Variants in LMF1 observed in about 807,000 individuals in gnomAD.
The protein encoded by LMF1 is lipase maturation factor 1.
Under a neutral mutation model 60.6 loss-of-function variants are expected in LMF1, and 68 were observed. That is an observed-to-expected ratio of 1.12 (90% confidence interval 0.92 to 1.37). The LOEUF (loss-of-function observed/expected upper bound fraction) is 1.37. Among genes scored for constraint, LMF1 ranks in the 40% most tolerant of loss-of-function variants. The pLI is 0.00. For synonymous variants in LMF1, 418 were observed against 324.7 expected, an observed-to-expected ratio of 1.29 and a Z score of -3.09; for missense variants, 948 against 767.2, an observed-to-expected ratio of 1.24 and a Z score of -2.78.
intron 3 of LMF1, among the ~76,000 whole-genome samples, chr16:914,607 C>A: frequency 1.3e-5 from 2 of 152,158 alleles, no homozygotes; most frequent in South Asian, 2.1e-4. Context: ...GTGACACACT[C>A]CCTCCCTCCC....
chr16:857,071 G>C lies in LMF1; in HGVS notation c.1530-2365C>G, dbSNP rs145386477. ...CAGGCGATTCTCACGCCAATTCTCA[G>C]GTTCCGCCAGGTCGTGTGATGGAGG... is the stretch of plus-strand genomic sequence containing the variant. On this transcript the variant is annotated intron_variant, in intron 10 of 10. Coordinates refer to ENST00000262301, the MANE Select transcript of LMF1 (RefSeq NM_022773.4). Among the ~76,000 whole-genome samples the C allele has an allele frequency of 5.4e-3, 826 of 152,368 alleles. 9 individuals are homozygous for C. Among genetic ancestry groups the C allele is most frequent in the African/African-American group, 0.019 (771 of 41,586 alleles).
At chr16:908,595 C>T (rs2071027401) in intron 4 of LMF1, among the ~76,000 whole-genome samples, 1 of 152,250 alleles carries the variant, frequency 6.6e-6, no homozygotes, top group Non-Finnish European at 1.5e-5. Context: ...AGGTCAGGCC[C>T]TGCTGCCTCC....
At chr16:978,180 G>A (rs533552992) in intron 1 of LMF1, among the ~76,000 whole-genome samples, 2,081 of 130,996 alleles carry the variant, frequency 0.016, 100 homozygotes, top group African/African-American at 0.056. Context: ...CACCATACAC[G>A]CACCCCACAC....
intron 10 of LMF1, among the ~76,000 whole-genome samples, chr16:859,281 C>T (rs1169401986): frequency 2.1e-5 from 2 of 95,604 alleles, no homozygotes; most frequent in East Asian, 2.9e-4. Flanking sequence ...AGTGGTGTCT[C>T]GGGACGGGTG....
At chr16:978,845 C>A (rs909199845) in intron 1 of LMF1, among the ~76,000 whole-genome samples, 5 of 152,134 alleles carry the variant, frequency 3.3e-5, no homozygotes, top group African/African-American at 1.2e-4. Context: ...CCCCTCCACT[C>A]TCCACCCCCG....
chr16:940,022 G>A (rs1006500515), intron 2 of LMF1, among the ~76,000 whole-genome samples: 1 of 152,152 alleles, frequency 6.6e-6, no homozygotes, highest in Non-Finnish European at 1.5e-5. Context: ...TCAGAGAGAC[G>A]TACCAGGAAC....
intron 3 of LMF1, chr16:921,210 G>C (rs111911209): frequency 6.6e-6 from 1 of 152,282 alleles, no homozygotes; most frequent in Non-Finnish European, 1.5e-5. Flanking sequence ...AGAAGTCCAG[G>C]TAAGTAGAAG....
intron 2 of LMF1, 134 bp downstream of exon 2, chr16:954,223 T>C: frequency 1.0e-6 from 1 of 993,888 alleles, no homozygotes; most frequent in African/African-American, 1.6e-5. Context: ...ATGGCCTAAG[T>C]AAAATGACAA....
At chr16:977,043 TA>T (rs771306471) in intron 1 of LMF1, 9 of 454,002 alleles carry the variant, frequency 2.0e-5, no homozygotes, top group Non-Finnish European at 3.5e-5. Context: ...CAGGCAGACG[TA>T]AGCTGCAGCA....
intron 4 of LMF1, chr16:905,159 C>A: frequency 6.2e-6 from 1 of 161,696 alleles, no homozygotes; most frequent in South Asian, 1.3e-4. Context: ...CCTGTCTCTG[C>A]TGCGTGGTGG....
chr16:978,353 C>CCACA (rs71142796), intron 1 of LMF1, among the ~76,000 whole-genome samples: 34,177 of 151,248 alleles, frequency 0.23, 4,349 homozygotes, highest in South Asian at 0.44. Context: ...CAAACACACA[C>CCACA]CACACACACA....
At chr16:945,403 G>A (rs1235293905) in intron 2 of LMF1, among the ~76,000 whole-genome samples, 2 of 151,676 alleles carry the variant, frequency 1.3e-5, no homozygotes, top group African/African-American at 4.9e-5. Flanking sequence ...CTGGGTGCCT[G>A]TAGTCCCAGC....
At chr16:957,336 T>C (rs1054518196) in intron 1 of LMF1, among the ~76,000 whole-genome samples, 6 of 152,286 alleles carry the variant, frequency 3.9e-5, no homozygotes, top group Admixed American at 2.6e-4. Flanking sequence ...TGTGTAGACA[T>C]GTAGGAAGCT....
chr16:959,101 G>A (rs1044799125), intron 1 of LMF1, among the ~76,000 whole-genome samples: 6 of 152,112 alleles, frequency 3.9e-5, no homozygotes, highest in East Asian at 3.9e-4. Flanking sequence ...AAGTGTGCTC[G>A]CACAGAAGCC....
At chr16:914,541 C>CCCATGACCATTGGTGACACA (rs2071218068) in intron 3 of LMF1, among the ~76,000 whole-genome samples, 1 of 143,802 alleles carries the variant, frequency 7.0e-6, no homozygotes, top group Non-Finnish European at 1.6e-5. Flanking sequence ...TCCCTCCCTC[C>CCCATGACCATTGGTGACACA]TTCCCATGAC....
chr16:871,634 C>T, intron 6 of LMF1: 1 of 387,278 alleles, frequency 2.6e-6, no homozygotes, highest in Non-Finnish European at 4.7e-6. Flanking sequence ...GGGGCTGGAC[C>T]AGACCACCAG....
In LMF1 at chr16:897,344, C is replaced by T. The variant is rs1319004788; in HGVS notation, c.664-4272G>A. Reference sequence around the variant, plus strand: ...CCCTGTGTACCCTTGCACAGTGGCTCAGGACAGACCCCCAGCCCCTACAGT... The same window carrying T: ...CCCTGTGTACCCTTGCACAGTGGCTTAGGACAGACCCCCAGCCCCTACAGT... On this transcript the variant is annotated intron_variant, in intron 4 of 10. Coordinates refer to ENST00000262301, the MANE Select transcript of LMF1 (RefSeq NM_022773.4). This position sits in a 1 kb window ranked among gnomAD's most constrained non-coding sequence, Gnocchi z 4.3. Among the ~76,000 whole-genome samples, 5 of 152,210 alleles carry T rather than the reference C, an allele frequency of 3.3e-5. No homozygotes were observed. Among genetic ancestry groups the T allele is most frequent in the African/African-American group, 1.2e-4 (5 of 41,458 alleles).
At chr16:927,302 A>C (rs2071638420) in intron 3 of LMF1, among the ~76,000 whole-genome samples, 1 of 152,212 alleles carries the variant, frequency 6.6e-6, no homozygotes, top group Non-Finnish European at 1.5e-5. Flanking sequence ...CTGAGACCAG[A>C]GACACGCAGG....
intron 3 of LMF1, among the ~76,000 whole-genome samples, chr16:919,189 G>A (rs1466202065): frequency 2.0e-5 from 3 of 152,098 alleles, no homozygotes; most frequent in African/African-American, 4.8e-5. Context: ...CTCGGCAGTC[G>A]GCGTTTCCAG....
Sources: allele counts gnomAD v4.1 joint callset (sites outside exome capture counted in the v4.1 genomes callset), GRCh38; gene constraint gnomAD v4.1.1; non-coding constraint Gnocchi (gnomAD v3.1); transcripts MANE v1.5; gene names NCBI Gene and HGNC (gene_info 2026-07-23, HGNC 2026-07-21).